CCSER2: variants seen among roughly 807,000 people sequenced by gnomAD.
CCSER2 encodes the protein serine-rich coiled-coil domain-containing protein 2.
CCSER2 carries 46 observed loss-of-function variants against 92.3 expected under a neutral mutation model. The observed-to-expected ratio is 0.50, with a 90% CI of 0.39 to 0.64. The LOEUF is 0.64. CCSER2 is among the 30% of genes least tolerant of loss of function. The pLI is 0.00. For missense variants in CCSER2, 1,244 were observed against 1,238.9 expected, an observed-to-expected ratio of 1.00 and a Z score of -0.06; for synonymous variants, 433 against 431.4, an observed-to-expected ratio of 1.00 and a Z score of -0.04.
chr10:84,382,453 T>G (rs1421155322), intron 3 of CCSER2, among the ~76,000 whole-genome samples: 4 of 152,200 alleles, frequency 2.6e-5, no homozygotes, highest in Non-Finnish European at 5.9e-5. Context: ...CTTTCTTGAT[T>G]AAATATAGCA....
At chr10:84,489,755 G>C (rs1032783199) in intron 9 of CCSER2, among the ~76,000 whole-genome samples, 1 of 152,124 alleles carries the variant, frequency 6.6e-6, no homozygotes, top group Non-Finnish European at 1.5e-5. Context: ...GGTTAATATT[G>C]TTATGTGTGA....
At chr10:84,369,543 C>A (rs1042282474) in intron 1 of CCSER2, among the ~76,000 whole-genome samples, 1 of 151,818 alleles carries the variant, frequency 6.6e-6, no homozygotes, top group African/African-American at 2.4e-5. Context: ...GTTGGAGTTC[C>A]TTATAGATTC....
At chr10:84,330,547 C>G (rs1198536781) in intron 1 of CCSER2, among the ~76,000 whole-genome samples, 1 of 152,164 alleles carries the variant, frequency 6.6e-6, no homozygotes, top group Non-Finnish European at 1.5e-5. Context: ...GAGTCTTGCA[C>G]TGTGGCCTGG....
chr10:84,512,132 A>C (rs555208888), intron 9 of CCSER2, among the ~76,000 whole-genome samples: 1 of 152,154 alleles, frequency 6.6e-6, no homozygotes, highest in South Asian at 2.1e-4. Flanking sequence ...CTGGCTGCTG[A>C]TCCTGGGCAG....
At chr10:84,353,224 A>G (rs1042701598) in intron 1 of CCSER2, among the ~76,000 whole-genome samples, 1 of 152,028 alleles carries the variant, frequency 6.6e-6, no homozygotes, top group African/African-American at 2.4e-5. Flanking sequence ...AAGCCTTTCC[A>G]CCCTCTGGTT....
intron 6 of CCSER2, among the ~76,000 whole-genome samples, chr10:84,460,380 C>T (rs1846039290): frequency 6.6e-6 from 1 of 151,250 alleles, no homozygotes; most frequent in South Asian, 2.1e-4. Context: ...GCTGGGATTA[C>T]ATGTGTGAGA....
Position 84,416,668 on chromosome 10 carries a change from T to A in CCSER2, c.1615-1103T>A, listed in dbSNP as rs147318267. Among the ~76,000 whole-genome samples, 1,520 of 152,172 alleles carry A rather than the reference T, an allele frequency of 1.0e-2. 13 individuals are homozygous for A. The highest frequency in any genetic ancestry group is 0.016 in the Non-Finnish European group (1,095 of 67,998). On this transcript the variant is annotated intron_variant, in intron 3 of 9. Coordinates refer to ENST00000372088, the MANE Select transcript of CCSER2 (RefSeq NM_001284240.2). Reference sequence around the variant, plus strand: ...TTTTGGCTGGGCGCGGTAGCTCAAGTCTGTAATTCCAGCACTTTGGGAGGC... The same window carrying A: ...TTTTGGCTGGGCGCGGTAGCTCAAGACTGTAATTCCAGCACTTTGGGAGGC...
chr10:84,436,900 A>T lies in CCSER2; in HGVS notation c.1869-1612A>T, dbSNP rs576894515. Among the ~76,000 whole-genome samples the T allele has an allele frequency of 3.9e-5, 6 of 152,326 alleles. No homozygotes were observed. In the East Asian group the frequency reaches 1.2e-3, roughly 29 times the overall value. On this transcript the variant is annotated intron_variant, in intron 5 of 9. Coordinates refer to ENST00000372088, the MANE Select transcript of CCSER2 (RefSeq NM_001284240.2). ...CAGAGATGTGGGAATATTTGTTAAA[A>T]GCTAGAAAATTTGGTAGAAACCATA... is the stretch of plus-strand genomic sequence containing the variant.
chr10:84,355,672 T>C (rs956487660), intron 1 of CCSER2, among the ~76,000 whole-genome samples: 40 of 152,260 alleles, frequency 2.6e-4, no homozygotes, highest in African/African-American at 8.9e-4. Context: ...AATAAATGTT[T>C]AATAACTAAA....
At chr10:84,426,728 T>C (rs934045747) in intron 5 of CCSER2, among the ~76,000 whole-genome samples, 4 of 152,194 alleles carry the variant, frequency 2.6e-5, no homozygotes, top group Non-Finnish European at 5.9e-5. Flanking sequence ...AAACATGGTG[T>C]TGTGTAGTTC....
intron 3 of CCSER2, among the ~76,000 whole-genome samples, chr10:84,374,197 C>A (rs1211974342): frequency 1.3e-5 from 2 of 152,032 alleles, no homozygotes; most frequent in Non-Finnish European, 2.9e-5. Flanking sequence ...TGTTGTTTAA[C>A]ATCCCACAGT....
At chr10:84,341,834 C>A (rs1844205707) in intron 1 of CCSER2, among the ~76,000 whole-genome samples, 1 of 152,132 alleles carries the variant, frequency 6.6e-6, no homozygotes, top group Admixed American at 6.6e-5. Context: ...TATTAAACAG[C>A]ATATTTTAAG....
intron 3 of CCSER2, among the ~76,000 whole-genome samples, chr10:84,376,898 G>A (rs1846367751): frequency 6.6e-6 from 1 of 152,008 alleles, no homozygotes; most frequent in South Asian, 2.1e-4. Context: ...TAGTAGTATT[G>A]CATTGAGATT....
At position 84,455,536 on chromosome 10, in the gene CCSER2, A is replaced by G. The variant is rs576380461; in HGVS notation, c.2065-8397A>G. 79 of 362,204 alleles carry G rather than the reference A, an allele frequency of 2.2e-4. 1 individual carries two copies. In the Middle Eastern group the frequency reaches 8.8e-3, roughly 40 times the overall value. The allele number at this position is 362,204 out of a possible 1,614,324, so 22.4% of individuals were successfully genotyped here. On this transcript the variant is annotated intron_variant, in intron 6 of 9. Coordinates refer to ENST00000372088, the MANE Select transcript of CCSER2 (RefSeq NM_001284240.2). Reference sequence around the variant, plus strand: ...GGTGATCTGCCTGCCTCAGCCTCCCAAAGTGCTGGGATTACAGGCGTGAGC... The same window carrying G: ...GGTGATCTGCCTGCCTCAGCCTCCCGAAGTGCTGGGATTACAGGCGTGAGC...
Position 84,372,423 on chromosome 10 carries a change from A to G in CCSER2, c.1371A>G (p.Glu457=), listed in dbSNP as rs1564609287. 1.3e-6 allele frequency: 2 copies of G among 1,587,366 alleles called. No individual in the cohort carries two copies. The highest frequency in any genetic ancestry group is 1.7e-4 in the Middle Eastern group (1 of 5,908). ...TGTTTGATTCCCCCAAGGAAAATGA[A>G]AAAGCCTTCAGTAAAACTGATGAAT... is the stretch of plus-strand genomic sequence containing the variant. ...QDMFDSPKEN[E]KAFSKTDEWI... is the part of the protein sequence containing the mutation. Residue 457 remains glutamate, a synonymous_variant, in exon 2 of 10, where the codon GAA becomes GAG. Transcript: ENST00000372088.
intron 3 of CCSER2, among the ~76,000 whole-genome samples, chr10:84,397,213 C>G (rs1437564312): frequency 6.6e-6 from 1 of 152,146 alleles, no homozygotes; most frequent in Non-Finnish European, 1.5e-5. Context: ...ATTAATAAAT[C>G]TCTGGTATTA....
chr10:84,420,757 C>A (rs1284442700), intron 4 of CCSER2, among the ~76,000 whole-genome samples: 1 of 151,886 alleles, frequency 6.6e-6, no homozygotes, highest in African/African-American at 2.4e-5. Context: ...CATGGTGAAA[C>A]CCTGTCTCTA....
chr10:84,412,927 T>G (rs2133370726), intron 3 of CCSER2, among the ~76,000 whole-genome samples: 1 of 152,348 alleles, frequency 6.6e-6, no homozygotes, highest in Middle Eastern at 3.4e-3. Context: ...CTAGTTTATG[T>G]GCATAGAGGT....
At chr10:84,419,252 C>T (rs1315898623) in intron 4 of CCSER2, among the ~76,000 whole-genome samples, 1 of 151,236 alleles carries the variant, frequency 6.6e-6, no homozygotes, top group African/African-American at 2.4e-5. Context: ...GGTTAGAGAG[C>T]GTATTCTAAA....
Sources: gnomAD v4.1 joint callset for allele counts (sites outside exome capture counted in the v4.1 genomes callset) on GRCh38, gnomAD v4.1.1 for gene constraint, MANE v1.5 for transcripts, NCBI Gene and HGNC (gene_info 2026-07-23, HGNC 2026-07-21) for gene names.